The following EIF4G3 variants were observed in gnomAD, a reference collection of about 807,000 sequenced individuals.
EIF4G3 encodes the protein eukaryotic translation initiation factor 4 gamma 3.
A neutral mutation model predicts 186.4 loss-of-function variants in EIF4G3; 34 were observed. The ratio of observed to expected loss-of-function variants is 0.18; its 90% CI spans 0.14 to 0.24. EIF4G3 has a LOEUF of 0.24. Ranked by LOEUF, EIF4G3 falls within the 10% of genes least tolerant of loss-of-function variation. The pLI is 1.00. For synonymous variants in EIF4G3, 673 were observed against 679.5 expected (o/e 0.99, Z 0.15); for missense variants, 1,536 against 1,948.5 (o/e 0.79, Z 3.99).
intron 3 of EIF4G3, among the ~76,000 whole-genome samples, chr1:21,053,572 C>T (rs1366503171): frequency 2.7e-5 from 4 of 146,484 alleles, no homozygotes; most frequent in African/African-American, 5.1e-5. Context: ...CCCGGCCAGC[C>T]GCCCTGTCCG....
At chr1:21,087,675 C>T (rs1444180492) in intron 3 of EIF4G3, among the ~76,000 whole-genome samples, 1 of 152,074 alleles carries the variant, frequency 6.6e-6, no homozygotes, top group Non-Finnish European at 1.5e-5. Context: ...GCTCTGTCGC[C>T]CAGGCTGGAG....
chr1:21,053,442 A>C (rs542764679), intron 3 of EIF4G3, among the ~76,000 whole-genome samples: 1 of 143,886 alleles, frequency 6.9e-6, no homozygotes, highest in East Asian at 2.2e-4. Flanking sequence ...CCCCCCGGCC[A>C]GCCGCCCCGT....
intron 3 of EIF4G3, among the ~76,000 whole-genome samples, chr1:21,081,890 G>A (rs1031116116): frequency 6.6e-5 from 10 of 151,822 alleles, no homozygotes; most frequent in Non-Finnish European, 8.8e-5. Flanking sequence ...TGATCTAACC[G>A]CCTCAGCCTC....
intron 2 of EIF4G3, among the ~76,000 whole-genome samples, chr1:21,101,431 T>C (rs2096517421): frequency 1.3e-5 from 2 of 150,768 alleles, no homozygotes; most frequent in South Asian, 4.2e-4. Context: ...TAGCCAGACA[T>C]GGTGGTGGGC....
intron 2 of EIF4G3, among the ~76,000 whole-genome samples, chr1:21,163,650 G>A (rs1213065249): frequency 6.6e-6 from 1 of 152,156 alleles, no homozygotes; most frequent in Non-Finnish European, 1.5e-5. Flanking sequence ...CAAATAAACT[G>A]TTTTTATTAC....
chr1:20,941,570 T>C lies in EIF4G3; in HGVS notation c.1584A>G (p.Lys528=). Reference sequence around the variant, plus strand: ...TTTGCCCATCTGCTTCTACCTCTATTTTGTTCTGAATCTCTTTTGCATCTT... The same window carrying C: ...TTTGCCCATCTGCTTCTACCTCTATCTTGTTCTGAATCTCTTTTGCATCTT... ...LSEDAKEIQN[K]IEVEADGQTE... is the part of the protein sequence containing the mutation. Residue 528 remains lysine (K), a synonymous_variant, in exon 14 of 37, where the codon AAA becomes AAG. Transcript: ENST00000602326. 6.2e-7 allele frequency: 1 copy of C among 1,614,174 alleles called. No homozygotes were observed. Among genetic ancestry groups the C allele is most frequent in the Non-Finnish European group, 8.5e-7 (1 of 1,180,016 alleles).
chr1:21,016,201 AATT>A (rs2088983076), intron 4 of EIF4G3, among the ~76,000 whole-genome samples: 1 of 152,196 alleles, frequency 6.6e-6, no homozygotes, highest in Non-Finnish European at 1.5e-5. Context: ...ACTGATGTTA[AATT>A]ATTATCACCT....
At chr1:21,129,169 G>C (rs1212647925) in intron 2 of EIF4G3, among the ~76,000 whole-genome samples, 1 of 151,976 alleles carries the variant, frequency 6.6e-6, no homozygotes. Flanking sequence ...AAAAAAATTA[G>C]CCAGGCGTGG....
At position 20,904,920 on chromosome 1, in the gene EIF4G3, G is replaced by A. The variant is rs2091606315; in HGVS notation, c.1715C>T (p.Thr572Ile). ...PKTWKKPKDR[T>I]RTTEEMLEAE... ...CTCTAACATCTCTTCAGTGGTTCGG[G>A]TCCGATCTTTTGGTTTCTTCCATGT... The change falls in exon 15 of 37, where the codon ACC becomes ATC. Residue 572 changes from threonine (T) to isoleucine (I), a missense_variant. By Grantham distance (89) the Thr-to-Ile change is moderately conservative. Transcript: ENST00000602326. 6.2e-7 allele frequency: 1 copy of A among 1,613,916 alleles called. No individual in the cohort carries two copies. The highest frequency in any genetic ancestry group is 2.2e-5 in the East Asian group (1 of 44,868).
At chr1:21,117,581 A>T (rs978179506) in intron 2 of EIF4G3, among the ~76,000 whole-genome samples, 1 of 151,890 alleles carries the variant, frequency 6.6e-6, no homozygotes, top group Admixed American at 6.6e-5. Context: ...TTGCTGCTGC[A>T]AAGTATGAAT....
chr1:21,076,684 C>T (rs934750976), intron 3 of EIF4G3, among the ~76,000 whole-genome samples: 5 of 152,064 alleles, frequency 3.3e-5, no homozygotes, highest in South Asian at 2.1e-4. Flanking sequence ...AGAATATACA[C>T]AGGAGAAAGG....
At chr1:20,853,181 C>T (rs1369709989) in intron 27 of EIF4G3, among the ~76,000 whole-genome samples, 2 of 152,148 alleles carry the variant, frequency 1.3e-5, no homozygotes, top group African/African-American at 4.8e-5. Flanking sequence ...AACTGAAGGA[C>T]AACCTCAAAT....
intron 2 of EIF4G3, among the ~76,000 whole-genome samples, chr1:21,151,232 C>CTTTT (rs1385422514): frequency 8.9e-5 from 3 of 33,832 alleles, no homozygotes; most frequent in African/African-American, 2.5e-4. Context: ...TATAGTATTT[C>CTTTT]TTTCTTTTTT....
chr1:20,814,546 GTATT>G (rs2059966178), intron 34 of EIF4G3, among the ~76,000 whole-genome samples: 1 of 151,954 alleles, frequency 6.6e-6, no homozygotes, highest in Non-Finnish European at 1.5e-5. Context: ...CAACTGCAGT[GTATT>G]TTAATGACTA....
intron 17 of EIF4G3, among the ~76,000 whole-genome samples, chr1:20,895,110 CA>C (rs761338111): frequency 6.6e-5 from 10 of 151,980 alleles, no homozygotes; most frequent in Non-Finnish European, 7.4e-5. Context: ...CACCAAAAAA[CA>C]GCCATAATAA....
At chr1:20,854,077 T>G (rs2074149106) in intron 26 of EIF4G3, among the ~76,000 whole-genome samples, 1 of 152,162 alleles carries the variant, frequency 6.6e-6, no homozygotes, top group Non-Finnish European at 1.5e-5. Context: ...AAAAAAAGGT[T>G]GAAATTACTT....
chr1:20,933,663 G>GAAAAAC (rs1180424635), intron 14 of EIF4G3, among the ~76,000 whole-genome samples: 2 of 151,548 alleles, frequency 1.3e-5, no homozygotes, highest in Non-Finnish European at 2.9e-5. Flanking sequence ...CTTGTGGGGG[G>GAAAAAC]AAAAACAAAA....
intron 14 of EIF4G3, among the ~76,000 whole-genome samples, chr1:20,933,320 G>A (rs1425944859): frequency 2.0e-5 from 3 of 152,248 alleles, no homozygotes; most frequent in East Asian, 3.9e-4. Flanking sequence ...GGGGAAGAAG[G>A]AAATGGAGAG....
intron 2 of EIF4G3, among the ~76,000 whole-genome samples, chr1:21,159,736 G>T (rs1329612737): frequency 6.6e-6 from 1 of 152,110 alleles, no homozygotes; most frequent in East Asian, 1.9e-4. Flanking sequence ...GGAGGCCAAG[G>T]CTGGAAGATC....
Sources: allele counts gnomAD v4.1 joint callset (sites outside exome capture counted in the v4.1 genomes callset), GRCh38; gene constraint gnomAD v4.1.1; transcripts MANE v1.5; gene names NCBI Gene and HGNC (gene_info 2026-07-23, HGNC 2026-07-21).